Variants in COL5A1 observed in about 807,000 individuals in gnomAD.
COL5A1 encodes the protein collagen type V alpha 1 chain, also known as collagen alpha-1(V) chain.
A neutral mutation model predicts 263.7 loss-of-function variants in COL5A1; 16 were observed. The ratio of observed to expected loss-of-function variants is 0.06; its 90% CI spans 0.04 to 0.09. The LOEUF is 0.09. COL5A1 is among the 10% of genes least tolerant of loss of function. COL5A1 has a pLI of 1.00. For synonymous variants in COL5A1, 1,012 were observed against 1,004.5 expected (o/e 1.01, Z -0.14); for missense variants, 2,036 against 2,540.5 (o/e 0.80, Z 4.27).
intron 1 of COL5A1, among the ~76,000 whole-genome samples, chr9:134,687,369 C>G (rs1391292033): frequency 6.6e-6 from 1 of 152,152 alleles, no homozygotes; most frequent in Non-Finnish European, 1.5e-5. Flanking sequence ...AGGGCTGGAG[C>G]TTGGGTGGCC....
intron 53 of COL5A1, 88 bp downstream of exon 53, chr9:134,817,167 G>T (rs1166932911): frequency 3.9e-6 from 5 of 1,273,818 alleles, no homozygotes; most frequent in Admixed American, 1.8e-5. Context: ...TGGGCCCTGG[G>T]TGCTCTAAGC....
At position 134,758,494 on chromosome 9, in the gene COL5A1, C is replaced by T. The variant is rs1836072747; in HGVS notation, c.1935+198C>T. 6.6e-6 allele frequency among the ~76,000 whole-genome samples: 1 copy of T among 152,116 alleles called. No homozygotes were observed. The highest frequency in any genetic ancestry group is 1.5e-5 in the Non-Finnish European group (1 of 68,010). ...GATGTCTTTGTTGATGGGTGGCCAG[C>T]CCAAAGGAATTGGAGCTCTTATCTA... On this transcript the variant is annotated intron_variant, in intron 18 of 65. Coordinates refer to ENST00000371817, the MANE Select transcript of COL5A1 (RefSeq NM_000093.5). This position sits in a 1 kb window ranked among gnomAD's most constrained non-coding sequence, Gnocchi z 4.1.
At chr9:134,752,488 G>A in intron 13 of COL5A1, 101 bp from the exon 14 acceptor site, 1 of 874,750 alleles carries the variant, frequency 1.1e-6, no homozygotes. Context: ...CCTCTGTCCA[G>A]TCTGCCCGTT....
Position 134,818,043 on chromosome 9 carries a change from C to T in COL5A1, c.4230+212C>T, listed in dbSNP as rs34816825. 0.036 allele frequency among the ~76,000 whole-genome samples: 5,441 copies of T among 152,294 alleles called. 128 individuals carry two copies. The highest frequency in any genetic ancestry group is 0.052 in the Non-Finnish European group (3,569 of 68,012). On this transcript the variant is annotated intron_variant, in intron 54 of 65. Transcript: ENST00000371817. The surrounding 1 kb of genome is among the most constrained non-coding windows in gnomAD (Gnocchi z 6.0). ...TGGCCACAAGACTGGGGCCGTCTGC[C>T]TTGCCCACCTGAGGGAGGAGGCGGG... is the stretch of plus-strand genomic sequence containing the variant.
chr9:134,712,725 C>T (rs1834110322), intron 4 of COL5A1, among the ~76,000 whole-genome samples: 1 of 149,542 alleles, frequency 6.7e-6, no homozygotes, highest in African/African-American at 2.5e-5. Flanking sequence ...TTCTTCTTGC[C>T]CCCATCTTTC....
intron 65 of COL5A1, among the ~76,000 whole-genome samples, chr9:134,840,227 A>C (rs1194131522): frequency 1.3e-5 from 2 of 152,208 alleles, no homozygotes; most frequent in South Asian, 4.1e-4. Flanking sequence ...CTGAAGTTCC[A>C]ATCCCAACTT....
chr9:134,785,573 G>C (rs1461762748), intron 30 of COL5A1, among the ~76,000 whole-genome samples: 1 of 152,142 alleles, frequency 6.6e-6, no homozygotes, highest in Non-Finnish European at 1.5e-5. Flanking sequence ...CACACACCCT[G>C]GCTCCACCCT....
At chr9:134,649,546 G>T (rs1169864087) in intron 1 of COL5A1, 1 of 470,104 alleles carries the variant, frequency 2.1e-6, no homozygotes, top group African/African-American at 2.0e-5. Flanking sequence ...TTCCTTGCCA[G>T]GACCTCGGCA....
chr9:134,671,184 G>A (rs994870182), intron 1 of COL5A1, among the ~76,000 whole-genome samples: 2 of 152,206 alleles, frequency 1.3e-5, no homozygotes, highest in African/African-American at 4.8e-5. Context: ...GAGCTGTTCA[G>A]ACAGCTCCTG....
In COL5A1 at chr9:134,731,559, C is replaced by G; in HGVS notation, c.1228C>G (p.Arg410Gly). The change falls in exon 8 of 66, where the codon CGG becomes GGG. Residue 410 changes from arginine (R) to glycine (G), a missense_variant. Transcript: ENST00000371817. ...LEGEFTEETIRNLDENYYDPY... is the reference protein window; with the variant it reads ...LEGEFTEETIGNLDENYYDPY... ...GGGGGAGTTCACTGAGGAAACGATC[C>G]GGAACCTTGACGAGAACTACTACGA... The G allele has an allele frequency of 1.2e-6, 2 of 1,614,208 alleles. No individual in the cohort carries two copies. The highest frequency in any genetic ancestry group is 1.7e-6 in the Non-Finnish European group (2 of 1,180,024).
intron 39 of COL5A1, among the ~76,000 whole-genome samples, chr9:134,803,592 G>A (rs1486143431): frequency 6.6e-6 from 1 of 152,160 alleles, no homozygotes; most frequent in Non-Finnish European, 1.5e-5. Context: ...CCAAGATCGT[G>A]CCAGTGCACT....
chr9:134,644,752 C>A (rs188370379), intron 1 of COL5A1, among the ~76,000 whole-genome samples: 1 of 152,058 alleles, frequency 6.6e-6, no homozygotes, highest in South Asian at 2.1e-4. Context: ...AACAGTGTAA[C>A]GGGGAAGGAG....
intron 65 of COL5A1, among the ~76,000 whole-genome samples, chr9:134,839,173 G>A (rs78158265): frequency 1.3e-5 from 2 of 152,206 alleles, no homozygotes; most frequent in Admixed American, 6.5e-5. Flanking sequence ...TGACGGGGCC[G>A]CTGAGCGGGC....
At chr9:134,762,023 C>A in intron 19 of COL5A1, 45 bp downstream of exon 19, 1 of 1,597,788 alleles carries the variant, frequency 6.3e-7, no homozygotes, top group South Asian at 1.1e-5. Flanking sequence ...CTGCCCTACT[C>A]CTCAGTGATT....
rs1200078486 is a variant in COL5A1 at position 134,678,027 on chromosome 9, G to A, written c.110-12885G>A. ...GTGAAGAACAATTCCGCTCTTCCTC[G>A]GATTGAGCCTCGCTCTGCCCTCATC... On this transcript the variant is annotated intron_variant, in intron 1 of 65. Transcript: ENST00000371817. This position sits in a 1 kb window ranked among gnomAD's most constrained non-coding sequence, Gnocchi z 5.5. Among the ~76,000 whole-genome samples the A allele has an allele frequency of 2.6e-5, 4 of 152,196 alleles. No individual in the cohort carries two copies. Among genetic ancestry groups the A allele is most frequent in the African/African-American group, 2.4e-5 (1 of 41,440 alleles).
intron 2 of COL5A1, among the ~76,000 whole-genome samples, chr9:134,692,353 G>A (rs977643848): frequency 2.0e-5 from 3 of 152,164 alleles, no homozygotes; most frequent in African/African-American, 4.8e-5. Flanking sequence ...GGACTGCAGC[G>A]GTTTCGTTTC....
intron 1 of COL5A1, among the ~76,000 whole-genome samples, chr9:134,649,984 A>G (rs932238695): frequency 3.5e-5 from 5 of 144,234 alleles, no homozygotes; most frequent in Non-Finnish European, 7.6e-5. Context: ...GAGTTGAACA[A>G]TGAGAACACA....
In COL5A1 at chr9:134,710,459, TG is replaced by T. The variant is rs1439814451; in HGVS notation, c.654+9128del. On this transcript the variant is annotated intron_variant, in intron 4 of 65. Coordinates refer to ENST00000371817, the MANE Select transcript of COL5A1 (RefSeq NM_000093.5). ...GAGACGCCCCGTCTGTTGGGTGCAGTGGTGGGGGAGGGGCCCCGTTTAGTGC... is the reference window on the plus strand; with the variant it reads ...GAGACGCCCCGTCTGTTGGGTGCAGTGTGGGGGAGGGGCCCCGTTTAGTGC... Among the ~76,000 whole-genome samples the T allele has an allele frequency of 1.5e-4, 23 of 149,874 alleles. No homozygotes were observed. The South Asian group carries it at 3.0e-3, about 19-fold the overall frequency.
chr9:134,662,562 G>C (rs868308642), intron 1 of COL5A1, among the ~76,000 whole-genome samples: 1 of 152,210 alleles, frequency 6.6e-6, no homozygotes, highest in African/African-American at 2.4e-5. Context: ...GGGACATTCC[G>C]CGCTCCTTGG....
Sources: gnomAD v4.1 joint callset for allele counts (sites outside exome capture counted in the v4.1 genomes callset) on GRCh38, gnomAD v4.1.1 for gene constraint, Gnocchi (gnomAD v3.1) non-coding constraint, MANE v1.5 for transcripts, NCBI Gene and HGNC (gene_info 2026-07-23, HGNC 2026-07-21) for gene names.